The following TMEM63C variants were observed in gnomAD, a reference collection of about 807,000 sequenced individuals.
TMEM63C encodes transmembrane protein 63C.
TMEM63C carries 32 observed loss-of-function variants against 99.2 expected under a neutral mutation model. The ratio of observed to expected loss-of-function variants is 0.32; its 90% CI spans 0.24 to 0.43. The LOEUF (loss-of-function observed/expected upper bound fraction) is 0.43. TMEM63C is among the 20% of genes least tolerant of loss of function. The pLI, the probability that TMEM63C is intolerant of heterozygous loss-of-function variation, is 1.00. For missense variants in TMEM63C, 826 were observed against 1,053.0 expected, an observed-to-expected ratio of 0.78 and a Z score of 2.98; for synonymous variants, 376 against 397.9, an observed-to-expected ratio of 0.94 and a Z score of 0.66.
At chr14:77,208,413 G>T (rs1888442246) in intron 1 of TMEM63C, among the ~76,000 whole-genome samples, 1 of 152,168 alleles carries the variant, frequency 6.6e-6, no homozygotes, top group Non-Finnish European at 1.5e-5. Flanking sequence ...CAGAGACTGG[G>T]CATTGAACTT....
At chr14:77,221,928 C>T (rs1484048826) in intron 5 of TMEM63C, among the ~76,000 whole-genome samples, 1 of 151,030 alleles carries the variant, frequency 6.6e-6, no homozygotes, top group African/African-American at 2.5e-5. Flanking sequence ...GCCTCTCTGT[C>T]TGCTCCTCCT....
intron 23 of TMEM63C, among the ~76,000 whole-genome samples, chr14:77,254,118 C>G (rs999568974): frequency 6.6e-6 from 1 of 152,186 alleles, no homozygotes; most frequent in Non-Finnish European, 1.5e-5. Flanking sequence ...AATGGGCATA[C>G]GGGGTGCCAG....
At chr14:77,187,323 G>A (rs1040241086) in intron 1 of TMEM63C, among the ~76,000 whole-genome samples, 3 of 152,224 alleles carry the variant, frequency 2.0e-5, no homozygotes, top group African/African-American at 4.8e-5. Flanking sequence ...AGAGAAGGTC[G>A]TGCGTTTCTC....
intron 1 of TMEM63C, among the ~76,000 whole-genome samples, chr14:77,204,475 G>A (rs1014022939): frequency 4.6e-5 from 7 of 152,232 alleles, no homozygotes; most frequent in South Asian, 4.1e-4. Context: ...CTCTCATCAC[G>A]GGGGCCAAAT....
intron 5 of TMEM63C, among the ~76,000 whole-genome samples, chr14:77,224,635 G>A (rs1888784947): frequency 6.6e-6 from 1 of 151,194 alleles, no homozygotes; most frequent in African/African-American, 2.4e-5. Context: ...CCATGGCTAA[G>A]GCCACCTTTC....
chr14:77,230,078 T>C (rs1318105515), intron 6 of TMEM63C, among the ~76,000 whole-genome samples: 1 of 151,990 alleles, frequency 6.6e-6, no homozygotes, highest in African/African-American at 2.4e-5. Flanking sequence ...GGCGCACACC[T>C]ATAGTCCCAG....
chr14:77,204,093 A>G (rs1888354863), intron 1 of TMEM63C, among the ~76,000 whole-genome samples: 1 of 152,250 alleles, frequency 6.6e-6, no homozygotes, highest in African/African-American at 2.4e-5. Context: ...GAGCTGAGCC[A>G]TTGCCCAGCC....
At position 77,239,689 on chromosome 14, in the gene TMEM63C, G is replaced by A. The variant is rs191908671; in HGVS notation, c.893G>A (p.Arg298His). The A allele has an allele frequency of 2.2e-5, 36 of 1,613,068 alleles. No homozygotes were observed. The East Asian group carries it at 4.5e-4, about 20-fold the overall frequency. ...KVMIRIHPCA[R>H]LCFCKCWTCF... ...ATGATCAGGATCCACCCCTGTGCCC[G>A]CCTGTGCTTCTGCAAGTGCTGGACC... Residue 298 changes from arginine to histidine, a missense_variant, in exon 12 of 24, where the codon CGC (arginine) becomes CAC (histidine). Physicochemically the swap from Arg to His is conservative, Grantham distance 29 (BLOSUM62 0). Coordinates refer to ENST00000298351, the MANE Select transcript of TMEM63C (RefSeq NM_020431.4).
At chr14:77,219,034 G>C in intron 3 of TMEM63C, 71 bp downstream of exon 3, 1 of 1,416,584 alleles carries the variant, frequency 7.1e-7, no homozygotes, top group Non-Finnish European at 9.3e-7. Flanking sequence ...AGGTGATGCA[G>C]TGGGGGACCC....
chr14:77,201,726 C>A (rs1888303454), intron 1 of TMEM63C, among the ~76,000 whole-genome samples: 1 of 152,230 alleles, frequency 6.6e-6, no homozygotes, highest in Admixed American at 6.5e-5. Context: ...TGTAATGTTT[C>A]AAGGGTGTGC....
chr14:77,242,608 C>T, intron 14 of TMEM63C, 139 bp downstream of exon 14: 1 of 1,234,958 alleles, frequency 8.1e-7, no homozygotes, highest in East Asian at 2.3e-5. Flanking sequence ...CTAAGCACCA[C>T]AACCTGTGTG....
chr14:77,229,756 ATG>A (rs1888901924), intron 6 of TMEM63C, among the ~76,000 whole-genome samples: 1 of 151,670 alleles, frequency 6.6e-6, no homozygotes, highest in Non-Finnish European at 1.5e-5. Flanking sequence ...CCAGCCACAA[ATG>A]CTTTTTAATC....
intron 15 of TMEM63C, among the ~76,000 whole-genome samples, chr14:77,244,090 G>A (rs2287381): frequency 6.6e-6 from 1 of 151,824 alleles, no homozygotes; most frequent in Admixed American, 6.5e-5. Context: ...GCTAGCTCTG[G>A]CCTTAGGAGG....
chr14:77,209,700 G>A (rs1888462568), intron 1 of TMEM63C, among the ~76,000 whole-genome samples: 1 of 152,154 alleles, frequency 6.6e-6, no homozygotes, highest in Admixed American at 6.5e-5. Flanking sequence ...GGACTCAGGG[G>A]CTTTAAATGC....
intron 21 of TMEM63C, among the ~76,000 whole-genome samples, chr14:77,250,255 C>G (rs1334726318): frequency 6.6e-6 from 1 of 152,136 alleles, no homozygotes; most frequent in African/African-American, 2.4e-5. Flanking sequence ...CCCAGGGGAG[C>G]TCAGAGACAC....
At chr14:77,200,478 C>T (rs541626302) in intron 1 of TMEM63C, among the ~76,000 whole-genome samples, 1 of 152,378 alleles carries the variant, frequency 6.6e-6, no homozygotes, top group East Asian at 1.9e-4. Context: ...CCCTGTGAGG[C>T]CCTGTGAGCC....
rs146019218 is a variant in TMEM63C at position 77,249,471 on chromosome 14, C to T, written c.2038+13C>T. 2.2e-4 allele frequency: 352 copies of T among 1,613,200 alleles called. No homozygotes were observed. The African/African-American group carries it at 4.2e-3, about 19-fold the overall frequency. ...ATCCTGCGGTTGGGTAGGTACCAAG[C>T]CAGCCTGGAGACCCCACCTCCACCT... is the stretch of plus-strand genomic sequence containing the variant. On this transcript the variant is annotated intron_variant, in intron 21 of 23. Coordinates refer to ENST00000298351, the MANE Select transcript of TMEM63C (RefSeq NM_020431.4).
intron 1 of TMEM63C, among the ~76,000 whole-genome samples, chr14:77,198,097 G>A (rs1478406919): frequency 6.6e-6 from 1 of 152,246 alleles, no homozygotes; most frequent in African/African-American, 2.4e-5. Flanking sequence ...GAGGACACTT[G>A]GCCATTGCCC....
At chr14:77,224,294 C>T (rs1594859763) in intron 5 of TMEM63C, among the ~76,000 whole-genome samples, 1 of 152,116 alleles carries the variant, frequency 6.6e-6, no homozygotes, top group East Asian at 2.0e-4. Context: ...CGGCATAAGG[C>T]CCGCCTTCTA....
Sources: allele counts gnomAD v4.1 joint callset (sites outside exome capture counted in the v4.1 genomes callset), GRCh38; gene constraint gnomAD v4.1.1; transcripts MANE v1.5; gene names NCBI Gene and HGNC (gene_info 2026-07-23, HGNC 2026-07-21).